Variants in QRSL1 observed in about 807,000 individuals in gnomAD.
QRSL1 encodes the protein glutaminyl-tRNA amidotransferase subunit QRSL1, also known as glutamyl-tRNA(Gln) amidotransferase subunit A, mitochondrial.
In QRSL1, 54 loss-of-function variants were observed where a neutral mutation model predicts 61.6. The observed-to-expected ratio is 0.88, with a 90% confidence interval of 0.70 to 1.10. The LOEUF is 1.10. QRSL1 is among the 50% of genes least tolerant of loss of function. QRSL1 has a pLI of 0.00. For missense variants in QRSL1, 505 were observed against 622.6 expected (o/e 0.81, Z 2.01); for synonymous variants, 228 against 225.7 (o/e 1.01, Z -0.09).
At position 106,666,533 on chromosome 6, in the gene QRSL1, C is replaced by A. The variant is rs1179137239; in HGVS notation, c.*531C>A. The stretch of plus-strand genomic sequence containing the variant: ...AATACTTCTACAATAACACAAGATA[C>A]CTGTTCCTCAAAGACAATGCATTCT... On this transcript the variant is annotated 3_prime_UTR_variant, in exon 11 of 11. Transcript: ENST00000369046. 1 of 158,346 alleles carries A rather than the reference C, an allele frequency of 6.3e-6. No individual in the cohort carries two copies. The highest frequency in any genetic ancestry group is 1.4e-5 in the Non-Finnish European group (1 of 71,220). 9.8% of individuals were successfully genotyped at this position (158,346 alleles called of 1,614,324 possible). A position where few individuals can be genotyped will look rare whatever the true frequency, so the allele number is the denominator to read the frequency against.
chr6:106,643,020 G>A lies in QRSL1; in HGVS notation c.310G>A (p.Val104Ile), dbSNP rs1035891247. The change falls in exon 4 of 11, where the codon GTA becomes ATA. Residue 104 changes from valine (V) to isoleucine (I), a missense_variant. By Grantham distance (29) the Val-to-Ile change is conservative (BLOSUM62 3). Transcript: ENST00000369046. The stretch of plus-strand genomic sequence containing the variant: ...TTATATACCACCTTATAATGCTACA[G>A]TAGTTCAGAAGTTGTTGGATCAGGG... ...KGYIPPYNAT[V>I]VQKLLDQGAL... 4 of 1,612,808 alleles carry A rather than the reference G, an allele frequency of 2.5e-6. No individual in the cohort carries two copies. The highest frequency in any genetic ancestry group is 1.3e-5 in the African/African-American group (1 of 74,962).
At chr6:106,660,604 CTTT>C (rs77144657) in intron 9 of QRSL1, among the ~76,000 whole-genome samples, 1 of 143,298 alleles carries the variant, frequency 7.0e-6, no homozygotes. Context: ...TGTCTTAGTT[CTTT>C]TTTTTTTTTT....
chr6:106,665,795 G>T lies in QRSL1; in HGVS notation c.1380G>T (p.Val460=), dbSNP rs144386075. 11 of 1,613,840 alleles carry T rather than the reference G, an allele frequency of 6.8e-6. No individual in the cohort carries two copies. The African/African-American group carries it at 1.3e-4, about 20-fold the overall frequency. ...QAVNMAGLPA[V]SIPVALSNQG... ...TTCTTTTCCCAGGATTGCCAGCAGT[G>T]AGTATCCCTGTTGCACTCTCAAACC... The change falls in exon 11 of 11, where the codon GTG becomes GTT. Residue 460 remains valine (V), a synonymous_variant. Transcript: ENST00000369046.
intron 4 of QRSL1, 64 bp downstream of exon 4, chr6:106,643,154 A>G: frequency 3.5e-6 from 4 of 1,127,688 alleles, no homozygotes; most frequent in Non-Finnish European, 5.2e-6. Flanking sequence ...CACTAAATGT[A>G]GTTACCTAAA....
rs571035143 is a variant in QRSL1, at chr6:106,663,124, A to G, written c.1305A>G (p.Lys435=). ...CAGTACCATACTTGGAGTTCATCAA[A>G]GAGGACAACAGAACCCGAAGTGCCC... ...SEAVPYLEFI[K]EDNRTRSAQD... The change falls in exon 10 of 11, where the codon AAA becomes AAG. Residue 435 remains lysine (K), a synonymous_variant. Transcript: ENST00000369046. 1.9e-6 allele frequency: 3 copies of G among 1,614,218 alleles called. No homozygotes were observed. Among genetic ancestry groups the G allele is most frequent in the East Asian group, 4.5e-5 (2 of 44,884 alleles).
At chr6:106,663,545 G>A (rs1427327797) in intron 10 of QRSL1, among the ~76,000 whole-genome samples, 1 of 152,162 alleles carries the variant, frequency 6.6e-6, no homozygotes, top group Non-Finnish European at 1.5e-5. Flanking sequence ...AGAGAAAGGG[G>A]GAAGGTGCTA....
rs1160219774 is a variant in QRSL1 at position 106,663,118 on chromosome 6, C to T, written c.1299C>T (p.Phe433=). ...GTGAGGCAGTACCATACTTGGAGTT[C>T]ATCAAAGAGGACAACAGAACCCGAA... ...TLSEAVPYLE[F]IKEDNRTRSA... is the part of the protein sequence containing the mutation. The change falls in exon 10 of 11, where the codon TTC becomes TTT. Residue 433 remains phenylalanine (F), a synonymous_variant. Transcript: ENST00000369046. 3 of 1,614,048 alleles carry T rather than the reference C, an allele frequency of 1.9e-6. No homozygotes were observed. In the East Asian group the frequency reaches 6.7e-5, roughly 36 times the overall value.
intron 5 of QRSL1, among the ~76,000 whole-genome samples, chr6:106,649,461 C>A (rs1193639349): frequency 6.6e-6 from 1 of 151,998 alleles, no homozygotes; most frequent in Non-Finnish European, 1.5e-5. Flanking sequence ...GTGGATCTTG[C>A]AGAATAAAGC....
At chr6:106,657,663 A>T (rs1282617376) in intron 9 of QRSL1, among the ~76,000 whole-genome samples, 1 of 152,208 alleles carries the variant, frequency 6.6e-6, no homozygotes, top group Admixed American at 6.5e-5. Flanking sequence ...GGGATTCGGA[A>T]TACTTTTTTT....
chr6:106,637,106 C>T (rs772307555), intron 1 of QRSL1, among the ~76,000 whole-genome samples: 10 of 152,202 alleles, frequency 6.6e-5, no homozygotes, highest in Non-Finnish European at 1.2e-4. Flanking sequence ...CCAGCCCTCT[C>T]GACCTCGTTG....
intron 10 of QRSL1, among the ~76,000 whole-genome samples, chr6:106,665,570 TGAA>T (rs1201919532): frequency 6.6e-6 from 1 of 152,204 alleles, no homozygotes; most frequent in Non-Finnish European, 1.5e-5. Flanking sequence ...AAGAAATGAA[TGAA>T]GAAGGTTTCT....
In QRSL1 at chr6:106,649,196, C is replaced by CT. The variant is rs772894169; in HGVS notation, c.553dup (p.Tyr185LeufsTer55). ...CAGCTGCTGTATCGGCGTTCACATGCTACGCGTAAGATGCTTTTCTCTATC... is the reference window on the plus strand; with the variant it reads ...CAGCTGCTGTATCGGCGTTCACATGCTTACGCGTAAGATGCTTTTCTCTATC... On this transcript the variant is annotated frameshift_variant, in exon 5 of 11. Coordinates refer to ENST00000369046, the MANE Select transcript of QRSL1 (RefSeq NM_018292.5). LOFTEE classifies it high-confidence loss of function. 2 of 1,613,764 alleles carry CT rather than the reference C, an allele frequency of 1.2e-6. No homozygotes were observed. The highest frequency in any genetic ancestry group is 2.2e-5 in the South Asian group (2 of 91,070).
chr6:106,638,372 T>G (rs935752902), intron 1 of QRSL1, among the ~76,000 whole-genome samples: 2 of 152,182 alleles, frequency 1.3e-5, no homozygotes, highest in Non-Finnish European at 2.9e-5. Context: ...TGGCACGATC[T>G]CACCTCACCG....
chr6:106,652,682 C>T (rs1777208460), intron 7 of QRSL1, 100 bp downstream of exon 7: 2 of 1,570,250 alleles, frequency 1.3e-6, no homozygotes, highest in Non-Finnish European at 1.7e-6. Flanking sequence ...TCTGCTCTGC[C>T]ACTTTTATTA....
intron 1 of QRSL1, among the ~76,000 whole-genome samples, chr6:106,630,160 A>G (rs1158091036): frequency 2.0e-5 from 3 of 152,162 alleles, no homozygotes. Context: ...TTTACCTACC[A>G]CTAAGATACC....
rs761460321 is a variant in QRSL1 at position 106,665,821 on chromosome 6, A to G, written c.1406A>G (p.Gln469Arg). The G allele has an allele frequency of 1.9e-6, 3 of 1,613,928 alleles. No homozygotes were observed. In the South Asian group the frequency reaches 3.3e-5, roughly 18 times the overall value. Residue 469 changes from glutamine (Q) to arginine (R), a missense_variant, in exon 11 of 11, where the codon CAA becomes CGA. Transcript: ENST00000369046. ...AVSIPVALSN[Q>R]GLPIGLQFIG... Reference sequence around the variant, plus strand: ...AGTATCCCTGTTGCACTCTCAAACCAAGGGTTGCCAATAGGACTGCAGTTT... The same window carrying G: ...AGTATCCCTGTTGCACTCTCAAACCGAGGGTTGCCAATAGGACTGCAGTTT...
At chr6:106,636,946 A>ATT (rs1445964076) in intron 1 of QRSL1, among the ~76,000 whole-genome samples, 5 of 152,216 alleles carry the variant, frequency 3.3e-5, no homozygotes, top group African/African-American at 1.2e-4. Context: ...GTGGCTTAAA[A>ATT]TAACATAATC....
chr6:106,650,525 ATTTTTGATTTGTTTACCCC>A (rs148313061), intron 5 of QRSL1, among the ~76,000 whole-genome samples: 119,278 of 145,402 alleles, frequency 0.82, 47,621 homozygotes, highest in East Asian at 0.93. Flanking sequence ...TTGTTTCCTT[ATTTTTGATTTGTTTACCCC>A]TTTTTGATTT....
At chr6:106,659,012 T>C (rs1451917886) in intron 9 of QRSL1, among the ~76,000 whole-genome samples, 3 of 152,206 alleles carry the variant, frequency 2.0e-5, no homozygotes, top group African/African-American at 2.4e-5. Flanking sequence ...TAGTTTCCAT[T>C]ACTGTTTTCA....
Sources: gnomAD v4.1 joint callset for allele counts (sites outside exome capture counted in the v4.1 genomes callset) on GRCh38, gnomAD v4.1.1 for gene constraint, MANE v1.5 for transcripts, NCBI Gene and HGNC (gene_info 2026-07-23, HGNC 2026-07-21) for gene names.